Variants in ROR1 observed in about 807,000 individuals in gnomAD.
ROR1 encodes the protein inactive tyrosine-protein kinase transmembrane receptor ROR1.
Under a neutral mutation model 78.8 loss-of-function variants are expected in ROR1, and 19 were observed. The ratio of observed to expected loss-of-function variants is 0.24; its 90% confidence interval spans 0.17 to 0.35. The LOEUF is 0.35. Among genes scored for constraint, ROR1 ranks in the 10% least tolerant of loss-of-function variants. The pLI, the probability that ROR1 is intolerant of heterozygous loss-of-function variation, is 1.00. For missense variants in ROR1, 917 were observed against 1,177.8 expected (o/e 0.78, Z 3.24); for synonymous variants, 386 against 433.6 (o/e 0.89, Z 1.36).
At chr1:63,997,567 G>A (rs753101944) in intron 1 of ROR1, among the ~76,000 whole-genome samples, 9 of 152,048 alleles carry the variant, frequency 5.9e-5, no homozygotes, top group Non-Finnish European at 1.3e-4. Flanking sequence ...TTACATTAAA[G>A]TTCTCAGTTC....
At chr1:64,056,667 C>A (rs1362974511) in intron 4 of ROR1, among the ~76,000 whole-genome samples, 2 of 146,898 alleles carry the variant, frequency 1.4e-5, no homozygotes. Flanking sequence ...CAGAGCAAGA[C>A]TCTATCTCCA....
At chr1:64,079,469 G>A (rs924422300) in intron 4 of ROR1, among the ~76,000 whole-genome samples, 2 of 112,656 alleles carry the variant, frequency 1.8e-5, no homozygotes, top group Non-Finnish European at 4.1e-5. Flanking sequence ...TCTTGATTGG[G>A]ATTTTTTTTT....
chr1:63,831,084 C>T (rs1159226390), intron 1 of ROR1, among the ~76,000 whole-genome samples: 4 of 152,174 alleles, frequency 2.6e-5, no homozygotes, highest in African/African-American at 7.2e-5. Context: ...AAGCTCTGCC[C>T]CTATGGCTCT....
At chr1:63,989,307 G>A (rs74078172) in intron 1 of ROR1, among the ~76,000 whole-genome samples, 4,325 of 151,858 alleles carry the variant, frequency 0.028, 228 homozygotes, top group African/African-American at 0.1. Flanking sequence ...TTTGGAAAAT[G>A]TGGGTAATGG....
chr1:63,821,366 G>T (rs561909518), intron 1 of ROR1, among the ~76,000 whole-genome samples: 27 of 152,278 alleles, frequency 1.8e-4, no homozygotes, highest in African/African-American at 6.5e-4. Flanking sequence ...GATGGCATTT[G>T]TGGTTTTAAT....
At chr1:63,799,456 T>C (rs1644782171) in intron 1 of ROR1, among the ~76,000 whole-genome samples, 2 of 152,218 alleles carry the variant, frequency 1.3e-5, no homozygotes. Context: ...ATCACTTGAG[T>C]GCCTAGGAGC....
At chr1:63,842,628 T>C (rs1645055896) in intron 1 of ROR1, among the ~76,000 whole-genome samples, 1 of 150,904 alleles carries the variant, frequency 6.6e-6, no homozygotes. Flanking sequence ...CGGAAGGGAC[T>C]CATGGAGAAT....
rs1220667051 is a variant in ROR1, at chr1:64,014,771, T to TACAC, written c.163+5396_163+5397insCACA. Among the ~76,000 whole-genome samples, 18 of 39,742 alleles carry TACAC rather than the reference T, an allele frequency of 4.5e-4. 1 individual carries two copies. The highest frequency in any genetic ancestry group is 5.6e-3 in the East Asian group (1 of 178). 26.1% of individuals were successfully genotyped at this position (39,742 alleles called of 152,430 possible). On this transcript the variant is annotated intron_variant, in intron 2 of 8. Coordinates refer to ENST00000371079, the MANE Select transcript of ROR1 (RefSeq NM_005012.4). ...ATATATATATATATATATATATATA[T>TACAC]ATACACATTTTGTCCTGGTTTGCCT...
intron 4 of ROR1, among the ~76,000 whole-genome samples, chr1:64,136,349 C>T (rs1053678652): frequency 1.4e-5 from 2 of 140,218 alleles, no homozygotes; most frequent in African/African-American, 3.0e-5. Context: ...AGGGGAAAAA[C>T]GGTGTATTTT....
At chr1:63,862,026 T>C (rs1645185133) in intron 1 of ROR1, among the ~76,000 whole-genome samples, 1 of 152,214 alleles carries the variant, frequency 6.6e-6, no homozygotes, top group Non-Finnish European at 1.5e-5. Context: ...GGTTATCACA[T>C]AATTTTTATT....
intron 1 of ROR1, among the ~76,000 whole-genome samples, chr1:63,882,193 A>C (rs1291569702): frequency 1.3e-5 from 2 of 152,154 alleles, no homozygotes; most frequent in Non-Finnish European, 2.9e-5. Flanking sequence ...GGAAGCAAGC[A>C]ATGGTAGGAT....
At chr1:63,790,926 T>C (rs1036823185) in intron 1 of ROR1, among the ~76,000 whole-genome samples, 1 of 152,222 alleles carries the variant, frequency 6.6e-6, no homozygotes, top group African/African-American at 2.4e-5. Context: ...GTCTCTGGAT[T>C]TCCTACAGCA....
intron 1 of ROR1, among the ~76,000 whole-genome samples, chr1:63,830,282 G>T (rs1644979440): frequency 6.6e-6 from 1 of 152,190 alleles, no homozygotes; most frequent in Admixed American, 6.5e-5. Context: ...TGGAGAAGAG[G>T]CTGGGTAGAC....
At chr1:63,880,776 A>T (rs1325847101) in intron 1 of ROR1, among the ~76,000 whole-genome samples, 2 of 152,276 alleles carry the variant, frequency 1.3e-5, no homozygotes, top group East Asian at 3.9e-4. Context: ...CCATCTATCC[A>T]TCTATCCTTC....
intron 4 of ROR1, among the ~76,000 whole-genome samples, chr1:64,081,682 G>T (rs548328880): frequency 6.7e-6 from 1 of 150,286 alleles, no homozygotes; most frequent in African/African-American, 2.5e-5. Flanking sequence ...GAGATGGGGG[G>T]ATTGCTTGAG....
At chr1:64,091,066 A>T (rs1647192992) in intron 4 of ROR1, among the ~76,000 whole-genome samples, 3 of 152,234 alleles carry the variant, frequency 2.0e-5, no homozygotes, top group African/African-American at 7.2e-5. Context: ...AGAGGCAGCT[A>T]GGATTCAAAT....
intron 8 of ROR1, among the ~76,000 whole-genome samples, chr1:64,165,905 C>T (rs1329509058): frequency 1.3e-5 from 2 of 151,944 alleles, no homozygotes; most frequent in Non-Finnish European, 2.9e-5. Flanking sequence ...GAGGTTTTGC[C>T]ATATTTCCCA....
At chr1:63,840,962 C>T (rs930667276) in intron 1 of ROR1, among the ~76,000 whole-genome samples, 6 of 152,178 alleles carry the variant, frequency 3.9e-5, no homozygotes, top group East Asian at 1.9e-4. Flanking sequence ...GTGTTTCTAG[C>T]GCTTTAGCAC....
intron 1 of ROR1, among the ~76,000 whole-genome samples, chr1:63,819,424 C>T (rs1282529076): frequency 6.6e-6 from 1 of 152,130 alleles, no homozygotes; most frequent in Non-Finnish European, 1.5e-5. Context: ...TATGCTTGAA[C>T]CTGCTTCCTT....
Sources: allele counts gnomAD v4.1 joint callset (sites outside exome capture counted in the v4.1 genomes callset), GRCh38; gene constraint gnomAD v4.1.1; transcripts MANE v1.5; gene names NCBI Gene and HGNC (gene_info 2026-07-23, HGNC 2026-07-21).